MEF2C: variants seen among roughly 807,000 people sequenced by gnomAD.
MEF2C encodes the protein myocyte-specific enhancer factor 2C.
Under a neutral mutation model 50.5 loss-of-function variants are expected in MEF2C, and 6 were observed. The ratio of observed to expected loss-of-function variants is 0.12; its 90% CI spans 0.07 to 0.23. The LOEUF is 0.23. Ranked by LOEUF, MEF2C falls within the 10% of genes least tolerant of loss-of-function variation. MEF2C has a pLI of 1.00. For synonymous variants in MEF2C, 183 were observed against 228.0 expected, an observed-to-expected ratio of 0.80 and a Z score of 1.78; for missense variants, 276 against 605.0, an observed-to-expected ratio of 0.46 and a Z score of 5.70.
chr5:88,873,203 C>T (rs759727825), intron 1 of MEF2C, among the ~76,000 whole-genome samples: 5 of 151,984 alleles, frequency 3.3e-5, no homozygotes, highest in African/African-American at 1.2e-4. Flanking sequence ...AACGAATATA[C>T]CATCCAGTGA....
At chr5:88,863,599 A>G (rs1258952982) in intron 1 of MEF2C, among the ~76,000 whole-genome samples, 1 of 152,200 alleles carries the variant, frequency 6.6e-6, no homozygotes, top group Non-Finnish European at 1.5e-5. Context: ...CCTGTCTCAC[A>G]GAAATTTTGT....
At position 88,805,835 on chromosome 5, in the gene MEF2C, T is replaced by C. The variant is rs547085636; in HGVS notation, c.55-1034A>G. On this transcript the variant is annotated intron_variant, in intron 2 of 10. Coordinates refer to ENST00000504921, the MANE Select transcript of MEF2C (RefSeq NM_002397.5). ...AGGCGTGAACATTCTTTTTTTTTTT[T>C]TTTTTTTTTTTTTTTGGAGACGGAG... Among the ~76,000 whole-genome samples the C allele has an allele frequency of 7.1e-4, 100 of 141,224 alleles. 1 individual carries two copies. The highest frequency in any genetic ancestry group is 1.4e-3 in the Non-Finnish European group (90 of 64,672). The allele number at this position is 141,224 out of a possible 152,430, so 92.6% of individuals were successfully genotyped here. A position where few individuals can be genotyped will look rare whatever the true frequency, so the allele number is the denominator to read the frequency against.
chr5:88,741,265 T>C (rs1195125245), intron 6 of MEF2C: 1 of 985,220 alleles, frequency 1.0e-6, no homozygotes, highest in Non-Finnish European at 1.2e-6. Flanking sequence ...ATGTAGATGA[T>C]TATAACCATA....
intron 2 of MEF2C, among the ~76,000 whole-genome samples, chr5:88,816,685 C>A (rs1013678576): frequency 1.3e-5 from 2 of 151,580 alleles, no homozygotes; most frequent in Admixed American, 1.3e-4. Context: ...TGGCAATAGA[C>A]CCTATAATTC....
At chr5:88,813,993 G>A (rs1469459547) in intron 2 of MEF2C, among the ~76,000 whole-genome samples, 1 of 151,912 alleles carries the variant, frequency 6.6e-6, no homozygotes, top group Admixed American at 6.6e-5. Context: ...CCTCCCAGTT[G>A]AGGAAACAGA....
chr5:88,890,299 CAG>C (rs1834399783), intron 1 of MEF2C, among the ~76,000 whole-genome samples: 2 of 152,120 alleles, frequency 1.3e-5, no homozygotes, highest in African/African-American at 4.8e-5. Flanking sequence ...TTTGTTAACA[CAG>C]GGGAACGGTT....
At chr5:88,740,175 C>T in intron 6 of MEF2C, 4 of 984,524 alleles carry the variant, frequency 4.1e-6, no homozygotes, top group Non-Finnish European at 4.8e-6. Flanking sequence ...TCAGGAATTT[C>T]ATATCTAGCC....
intron 1 of MEF2C, among the ~76,000 whole-genome samples, chr5:88,878,682 T>C (rs1279064077): frequency 6.6e-6 from 1 of 152,032 alleles, no homozygotes; most frequent in African/African-American, 2.4e-5. Context: ...TGATTTTATC[T>C]TTTCTAAATA....
Position 88,779,768 on chromosome 5 carries a change from T to TTA in MEF2C, c.259-18441_259-18440insTA, listed in dbSNP as rs1331169392. On this transcript the variant is annotated intron_variant, in intron 3 of 10. Coordinates refer to ENST00000504921, the MANE Select transcript of MEF2C (RefSeq NM_002397.5). ...GGCCTCAGCAAAGTGAGGTTTTTTT[T>TTA]TTTTTTATGTTACAATGCTTGCAAA... is the stretch of plus-strand genomic sequence containing the variant. 1.2e-4 allele frequency among the ~76,000 whole-genome samples: 18 copies of TTA among 151,840 alleles called. No individual in the cohort carries two copies. The East Asian group carries it at 3.3e-3, about 28-fold the overall frequency.
chr5:88,757,318 G>C, intron 4 of MEF2C, among the ~76,000 whole-genome samples: 1 of 152,006 alleles, frequency 6.6e-6, no homozygotes, highest in East Asian at 1.9e-4. Flanking sequence ...TTTATTTAAT[G>C]TGAGTGATTG....
intron 1 of MEF2C, among the ~76,000 whole-genome samples, chr5:88,859,559 G>T (rs1252975413): frequency 6.6e-6 from 1 of 152,196 alleles, no homozygotes; most frequent in Admixed American, 6.5e-5. Context: ...ATAGCAAGAG[G>T]AAAGCATTAA....
chr5:88,740,776 T>A (rs551322190), intron 6 of MEF2C: 4 of 985,290 alleles, frequency 4.1e-6, no homozygotes, highest in Admixed American at 6.1e-5. Flanking sequence ...AACCACACTA[T>A]CTTTAAAAAA....
At chr5:88,725,303 G>T (rs1175759314) in intron 10 of MEF2C, among the ~76,000 whole-genome samples, 1 of 151,926 alleles carries the variant, frequency 6.6e-6, no homozygotes, top group African/African-American at 2.4e-5. Context: ...AGTAGTTCTG[G>T]GGACTAAATC....
At chr5:88,885,438 A>C (rs1296069092), upstream of MEF2C, among the ~76,000 whole-genome samples, 1 of 152,214 alleles carries the variant, frequency 6.6e-6, no homozygotes, top group East Asian at 1.9e-4. Flanking sequence ...ATGCATCACA[A>C]ACTGTCACAA....
At chr5:88,774,061 A>C (rs958483966) in intron 3 of MEF2C, among the ~76,000 whole-genome samples, 5 of 152,222 alleles carry the variant, frequency 3.3e-5, no homozygotes, top group African/African-American at 1.2e-4. Context: ...GCATAAGGAC[A>C]GGAAACCAGG....
intron 3 of MEF2C, among the ~76,000 whole-genome samples, chr5:88,776,922 C>T (rs187501932): frequency 6.1e-4 from 93 of 152,328 alleles, no homozygotes; most frequent in African/African-American, 2.1e-3. Flanking sequence ...GCCAGCCCCA[C>T]GGCGCACTCT....
At chr5:88,861,101 T>C (rs1270142083) in intron 1 of MEF2C, among the ~76,000 whole-genome samples, 1 of 152,264 alleles carries the variant, frequency 6.6e-6, no homozygotes, top group South Asian at 2.1e-4. Flanking sequence ...AAGAAATTAA[T>C]TTATTTTCTT....
At chr5:88,777,096 T>C (rs565979209) in intron 3 of MEF2C, among the ~76,000 whole-genome samples, 2 of 152,356 alleles carry the variant, frequency 1.3e-5, no homozygotes, top group South Asian at 4.1e-4. Context: ...CCATAACTTA[T>C]GAAATCTCAG....
intron 2 of MEF2C, among the ~76,000 whole-genome samples, chr5:88,819,831 T>C (rs777187369): frequency 8.1e-4 from 123 of 151,980 alleles, no homozygotes; most frequent in Admixed American, 1.2e-3. Flanking sequence ...TTCAGACTAC[T>C]AGGGCAGAGC....
Sources: allele counts gnomAD v4.1 joint callset (sites outside exome capture counted in the v4.1 genomes callset), GRCh38; gene constraint gnomAD v4.1.1; transcripts MANE v1.5; gene names NCBI Gene and HGNC (gene_info 2026-07-23, HGNC 2026-07-21).